The following CHODL variants were observed in gnomAD, a reference collection of about 807,000 sequenced individuals.
CHODL encodes the protein transmembrane protein MT75.
CHODL carries 29 observed loss-of-function variants against 34.5 expected under a neutral mutation model. The observed-to-expected ratio is 0.84, with a 90% CI of 0.63 to 1.15. CHODL has a LOEUF of 1.15. CHODL is among the 50% of genes most tolerant of loss of function. The pLI, the probability that CHODL is intolerant of heterozygous loss-of-function variation, is 0.00. For synonymous variants in CHODL, 125 were observed against 116.1 expected (o/e 1.08, Z -0.49); for missense variants, 332 against 332.5 (o/e 1.00, Z 0.01).
chr21:18,110,571 CCAACACCTACAGCTGATGT>C (rs2065335873), intron 2 of CHODL, among the ~76,000 whole-genome samples: 2 of 62,584 alleles, frequency 3.2e-5, no homozygotes, highest in East Asian at 1.9e-3. Context: ...CTGATACCTG[CCAACACCTACAGCTGATGT>C]CTGCCAGGCA....
intron 1 of CHODL, among the ~76,000 whole-genome samples, chr21:17,939,164 G>T (rs2063343897): frequency 6.6e-6 from 1 of 152,112 alleles, no homozygotes; most frequent in Non-Finnish European, 1.5e-5. Flanking sequence ...GTACAATGTT[G>T]TACAGCAGAT....
intron 1 of CHODL, among the ~76,000 whole-genome samples, chr21:17,971,575 G>T (rs191440369): frequency 3.7e-4 from 56 of 151,888 alleles, no homozygotes; most frequent in Non-Finnish European, 6.6e-4. Flanking sequence ...ACTTTTTGAT[G>T]GGTTGTTTGT....
At chr21:18,012,412 A>G (rs969729595) in intron 1 of CHODL, among the ~76,000 whole-genome samples, 4 of 152,182 alleles carry the variant, frequency 2.6e-5, no homozygotes, top group South Asian at 2.1e-4. Flanking sequence ...AATATTTCCA[A>G]TGCATTCCTA....
At chr21:18,202,356 C>T (rs2073664132) in intron 2 of CHODL, among the ~76,000 whole-genome samples, 1 of 152,128 alleles carries the variant, frequency 6.6e-6, no homozygotes, top group African/African-American at 2.4e-5. Context: ...GTAAGGAAAT[C>T]ACTAACATTA....
At chr21:18,029,194 G>A (rs951257069) in intron 2 of CHODL, among the ~76,000 whole-genome samples, 1 of 152,108 alleles carries the variant, frequency 6.6e-6, no homozygotes, top group Non-Finnish European at 1.5e-5. Context: ...AGGAATCTCA[G>A]CTTTAAATAG....
At chr21:17,936,181 G>A (rs538365454) in intron 1 of CHODL, among the ~76,000 whole-genome samples, 6 of 152,286 alleles carry the variant, frequency 3.9e-5, no homozygotes, top group African/African-American at 1.4e-4. Context: ...GGCAATTTCA[G>A]TATCCCAGGC....
At chr21:18,248,675 T>C (rs1456145033) in intron 1 of CHODL, among the ~76,000 whole-genome samples, 5 of 126,362 alleles carry the variant, frequency 4.0e-5, no homozygotes, top group African/African-American at 1.2e-4. Context: ...GTATAATACA[T>C]ATATGTATAT....
chr21:17,968,539 C>A (rs2063590625), intron 1 of CHODL, among the ~76,000 whole-genome samples: 1 of 152,104 alleles, frequency 6.6e-6, no homozygotes, highest in African/African-American at 2.4e-5. Flanking sequence ...TAGATTCTGC[C>A]CTAATGGTTT....
chr21:18,087,277 A>C (rs995720862), intron 2 of CHODL, among the ~76,000 whole-genome samples: 2 of 151,902 alleles, frequency 1.3e-5, no homozygotes, highest in Non-Finnish European at 2.9e-5. Context: ...ATAGCAGGGA[A>C]ATGGATATTG....
rs558969072 is a variant in CHODL, at chr21:18,260,820, AAAC to A, written c.634+561_634+563del. On this transcript the variant is annotated intron_variant, in intron 4 of 5. Coordinates refer to ENST00000299295, the MANE Select transcript of CHODL (RefSeq NM_024944.3). ...AAGTGAGACCCTGTCTCAAAAAAGC[AAAC>A]AACAACAACAACAACAACAACAACA... Among the ~76,000 whole-genome samples the A allele has an allele frequency of 1.4e-3, 197 of 136,562 alleles. 1 individual carries two copies. Among genetic ancestry groups the A allele is most frequent in the South Asian group, 7.1e-3 (33 of 4,648 alleles). 89.6% of individuals were successfully genotyped at this position (136,562 alleles called of 152,430 possible).
intron 2 of CHODL, among the ~76,000 whole-genome samples, chr21:18,124,152 G>C (rs2065514155): frequency 6.6e-6 from 1 of 152,114 alleles, no homozygotes; most frequent in South Asian, 2.1e-4. Context: ...GAATGACCTT[G>C]CGTGGCATGT....
At chr21:18,156,890 T>C (rs2073041500) in intron 2 of CHODL, among the ~76,000 whole-genome samples, 1 of 152,186 alleles carries the variant, frequency 6.6e-6, no homozygotes, top group African/African-American at 2.4e-5. Context: ...CTGATACTTG[T>C]TCACTCTCAT....
At chr21:18,057,142 G>T (rs1462290749) in intron 2 of CHODL, among the ~76,000 whole-genome samples, 2 of 152,066 alleles carry the variant, frequency 1.3e-5, no homozygotes, top group Admixed American at 1.3e-4. Context: ...ATCCTTGAGG[G>T]TAAGATCCTG....
At chr21:17,994,776 G>C (rs916541619) in intron 1 of CHODL, among the ~76,000 whole-genome samples, 1 of 152,164 alleles carries the variant, frequency 6.6e-6, no homozygotes, top group Non-Finnish European at 1.5e-5. Context: ...CAACCCCCCA[G>C]GTAATGTGTG....
At chr21:17,939,866 C>T (rs8133049) in intron 1 of CHODL, among the ~76,000 whole-genome samples, 11,256 of 152,172 alleles carry the variant, frequency 0.074, 1,168 homozygotes, top group African/African-American at 0.23. Flanking sequence ...GGCAATAAAA[C>T]GTTCAATTTT....
intron 1 of CHODL, among the ~76,000 whole-genome samples, chr21:17,924,848 T>C (rs1358673727): frequency 1.3e-5 from 2 of 152,208 alleles, no homozygotes; most frequent in Admixed American, 1.3e-4. Flanking sequence ...TGCTAATCAT[T>C]CTGTTATATT....
chr21:17,981,664 G>A (rs1041359409), intron 1 of CHODL, among the ~76,000 whole-genome samples: 1 of 152,190 alleles, frequency 6.6e-6, no homozygotes, highest in Admixed American at 6.5e-5. Flanking sequence ...ATGTGTAATG[G>A]ATAGACAGAG....
chr21:18,252,489 T>C (rs2074269852), intron 1 of CHODL, among the ~76,000 whole-genome samples: 1 of 152,124 alleles, frequency 6.6e-6, no homozygotes, highest in Non-Finnish European at 1.5e-5. Context: ...TGTTGGAGTT[T>C]CACTGCATTA....
chr21:18,143,879 G>A (rs1346939422), intron 2 of CHODL, among the ~76,000 whole-genome samples: 1 of 151,750 alleles, frequency 6.6e-6, no homozygotes, highest in Admixed American at 6.6e-5. Context: ...TTATATATTC[G>A]ACATTTATTC....
Sources: gnomAD v4.1 joint callset for allele counts (sites outside exome capture counted in the v4.1 genomes callset) on GRCh38, gnomAD v4.1.1 for gene constraint, MANE v1.5 for transcripts, NCBI Gene and HGNC (gene_info 2026-07-23, HGNC 2026-07-21) for gene names.